RIN2: variants seen among roughly 807,000 people sequenced by gnomAD.
RIN2 encodes Ras and Rab interactor 2.
A neutral mutation model predicts 78.0 loss-of-function variants in RIN2; 36 were observed. The observed-to-expected ratio is 0.46, with a 90% CI of 0.35 to 0.61. The LOEUF is 0.61. Ranked by LOEUF, RIN2 falls within the 20% of genes least tolerant of loss-of-function variation. RIN2 has a pLI of 0.00. For synonymous variants in RIN2, 466 were observed against 466.8 expected (o/e 1.00, Z 0.02); for missense variants, 1,087 against 1,159.7 (o/e 0.94, Z 0.91).
At chr20:19,899,926 G>A (rs898381258) in intron 3 of RIN2, among the ~76,000 whole-genome samples, 1 of 152,098 alleles carries the variant, frequency 6.6e-6, no homozygotes, top group African/African-American at 2.4e-5. Flanking sequence ...CTTAGGGAGC[G>A]CAACATAGAA....
chr20:19,940,493 G>A (rs1195269275), intron 4 of RIN2, among the ~76,000 whole-genome samples: 1 of 152,208 alleles, frequency 6.6e-6, no homozygotes, highest in African/African-American at 2.4e-5. Flanking sequence ...GTTCTACCAT[G>A]AGCTATTTTA....
chr20:19,922,405 C>T (rs1012292546), intron 3 of RIN2, among the ~76,000 whole-genome samples: 2 of 152,102 alleles, frequency 1.3e-5, no homozygotes, highest in South Asian at 2.1e-4. Context: ...GTGAGAGGCC[C>T]CCTCTGGCAG....
intron 8 of RIN2, among the ~76,000 whole-genome samples, chr20:19,972,342 C>T (rs1478752721): frequency 6.6e-6 from 1 of 152,124 alleles, no homozygotes; most frequent in African/African-American, 2.4e-5. Flanking sequence ...GTCTGATGGT[C>T]CACAGGCTTA....
At chr20:19,878,485 C>T (rs138504613) in intron 2 of RIN2, among the ~76,000 whole-genome samples, 23 of 152,232 alleles carry the variant, frequency 1.5e-4, no homozygotes, top group Admixed American at 2.6e-4. Context: ...AAAACACAGA[C>T]GAGTCTGAGA....
At chr20:19,789,895 CA>C (rs1268370055) in intron 1 of RIN2, among the ~76,000 whole-genome samples, 1 of 152,188 alleles carries the variant, frequency 6.6e-6, no homozygotes, top group Non-Finnish European at 1.5e-5. Flanking sequence ...TGTCACTGAG[CA>C]AGTCTAATTC....
chr20:19,996,991 G>A, intron 12 of RIN2, 149 bp downstream of exon 12: 3 of 811,020 alleles, frequency 3.7e-6, no homozygotes, highest in Non-Finnish European at 5.7e-6. Flanking sequence ...TTGTTACACT[G>A]ATCTGTTTTC....
At chr20:19,760,536 G>A (rs747288341) in intron 1 of RIN2, among the ~76,000 whole-genome samples, 7 of 152,122 alleles carry the variant, frequency 4.6e-5, no homozygotes, top group African/African-American at 7.2e-5. Context: ...CTTATCCAAA[G>A]TCAAGGGTCA....
chr20:19,758,658 GC>G (rs2033487980), intron 1 of RIN2, among the ~76,000 whole-genome samples: 1 of 152,208 alleles, frequency 6.6e-6, no homozygotes, highest in Admixed American at 6.5e-5. Context: ...GAGGGTGCAG[GC>G]ACTATGGCTC....
intron 2 of RIN2, among the ~76,000 whole-genome samples, chr20:19,813,258 C>A (rs6112586): frequency 0.053 from 8,129 of 152,240 alleles, 276 homozygotes; most frequent in Middle Eastern, 0.088. Context: ...ATGGGCTAAT[C>A]GGCCAATAGC....
At chr20:19,957,325 A>C (rs199559) in intron 5 of RIN2, among the ~76,000 whole-genome samples, 27,147 of 152,150 alleles carry the variant, frequency 0.18, 3,146 homozygotes, top group African/African-American at 0.34. Flanking sequence ...GCTACTGTCT[A>C]TCCAAGACCA....
intron 4 of RIN2, among the ~76,000 whole-genome samples, chr20:19,946,293 T>G (rs1439312804): frequency 6.6e-6 from 1 of 151,996 alleles, no homozygotes; most frequent in Non-Finnish European, 1.5e-5. Flanking sequence ...CTGAAAGAGA[T>G]AAGGGATGAG....
chr20:19,812,197 A>G (rs1194507134), intron 2 of RIN2, among the ~76,000 whole-genome samples: 2 of 152,156 alleles, frequency 1.3e-5, no homozygotes, highest in Non-Finnish European at 2.9e-5. Flanking sequence ...GTCTTTATGT[A>G]GACACATATT....
intron 2 of RIN2, among the ~76,000 whole-genome samples, chr20:19,866,034 A>G (rs2037495671): frequency 6.6e-6 from 1 of 152,080 alleles, no homozygotes; most frequent in Admixed American, 6.6e-5. Flanking sequence ...ATTGTAATAT[A>G]TAATTAAATA....
intron 3 of RIN2, among the ~76,000 whole-genome samples, chr20:19,902,649 C>G (rs965789061): frequency 1.3e-5 from 2 of 152,054 alleles, no homozygotes; most frequent in Non-Finnish European, 2.9e-5. Flanking sequence ...TCTGCTTGCG[C>G]TGGGTAATTC....
chr20:19,822,073 A>G (rs921178599), intron 2 of RIN2, among the ~76,000 whole-genome samples: 2 of 152,168 alleles, frequency 1.3e-5, no homozygotes, highest in Non-Finnish European at 2.9e-5. Flanking sequence ...TTGTCTCCAG[A>G]ATCTTCAGAC....
intron 1 of RIN2, among the ~76,000 whole-genome samples, chr20:19,761,255 G>GA (rs143422567): frequency 0.026 from 4,003 of 152,266 alleles, 184 homozygotes; most frequent in African/African-American, 0.089. Flanking sequence ...CAGTGGACTT[G>GA]CTAAAGGCGA....
At chr20:19,844,484 G>A (rs906929384) in intron 2 of RIN2, among the ~76,000 whole-genome samples, 1 of 152,152 alleles carries the variant, frequency 6.6e-6, no homozygotes, top group Admixed American at 6.5e-5. Flanking sequence ...TACTGCAGGG[G>A]ACACAAGCTC....
At chr20:19,917,715 T>C (rs1477292388) in intron 3 of RIN2, among the ~76,000 whole-genome samples, 1 of 151,994 alleles carries the variant, frequency 6.6e-6, no homozygotes, top group African/African-American at 2.4e-5. Flanking sequence ...ACTATATTGA[T>C]ATATTGACAT....
In RIN2 at chr20:20,000,909, C is replaced by A; in HGVS notation, c.2661C>A (p.Asn887Lys). The change falls in exon 13 of 13, where the codon AAC becomes AAA. Residue 887 changes from asparagine (N) to lysine (K), a missense_variant. Around this residue, in one of 8 missense-constraint regions of RIN2, gnomAD observed 160 missense variants for 179.4 expected, o/e 0.89. Transcript: ENST00000255006. The stretch of plus-strand genomic sequence containing the variant: ...ATCCTTATGGCATCATTTTCCAGAA[C>A]GGGGAAGAAGACCTCACCACCTCCT... ...KNDPYGIIFQ[N>K]GEEDLTTS 2 of 1,612,662 alleles carry A rather than the reference C, an allele frequency of 1.2e-6. No individual in the cohort carries two copies. Among genetic ancestry groups the A allele is most frequent in the African/African-American group, 1.3e-5 (1 of 75,024 alleles).
Sources: gnomAD v4.1 joint callset for allele counts (sites outside exome capture counted in the v4.1 genomes callset) on GRCh38, gnomAD v4.1.1 for gene constraint, gnomAD v4.1.1 regional missense constraint, MANE v1.5 for transcripts, NCBI Gene and HGNC (gene_info 2026-07-23, HGNC 2026-07-21) for gene names.